TAFA1: variants seen among roughly 807,000 people sequenced by gnomAD.
TAFA1 encodes the protein chemokine-like protein TAFA-1.
Under a neutral mutation model 18.5 loss-of-function variants are expected in TAFA1, and 4 were observed. The ratio of observed to expected loss-of-function variants is 0.22; its 90% confidence interval spans 0.11 to 0.49. The LOEUF (loss-of-function observed/expected upper bound fraction) is 0.49. TAFA1 is among the 20% of genes least tolerant of loss of function. TAFA1 has a pLI of 0.98. For synonymous variants in TAFA1, 56 were observed against 55.2 expected (o/e 1.01, Z -0.06); for missense variants, 147 against 169.0 (o/e 0.87, Z 0.72).
chr3:68,024,657 A>G (rs1704773583), intron 2 of TAFA1, among the ~76,000 whole-genome samples: 1 of 152,098 alleles, frequency 6.6e-6, no homozygotes, highest in Non-Finnish European at 1.5e-5. Flanking sequence ...TTTCTTGCTG[A>G]TGGTTCAGGA....
intron 3 of TAFA1, among the ~76,000 whole-genome samples, chr3:68,488,243 C>G (rs1198821211): frequency 6.6e-6 from 1 of 152,126 alleles, no homozygotes; most frequent in Non-Finnish European, 1.5e-5. Context: ...AACTTGGAGT[C>G]CGATGTTCAA....
chr3:68,215,071 C>A (rs914993012), intron 2 of TAFA1, among the ~76,000 whole-genome samples: 2 of 152,012 alleles, frequency 1.3e-5, no homozygotes, highest in African/African-American at 4.8e-5. Context: ...AATGAAGCAT[C>A]ATTAGCCCAG....
intron 2 of TAFA1, among the ~76,000 whole-genome samples, chr3:68,253,841 G>A (rs184770116): frequency 6.6e-6 from 1 of 152,246 alleles, no homozygotes; most frequent in East Asian, 1.9e-4. Context: ...GTTGAAACAG[G>A]TTTTGTGCCC....
intron 3 of TAFA1, among the ~76,000 whole-genome samples, chr3:68,537,170 C>T (rs1212869129): frequency 6.6e-6 from 1 of 151,986 alleles, no homozygotes; most frequent in Admixed American, 6.6e-5. Flanking sequence ...GCTAAGAGCA[C>T]GAAAGTTCCT....
At chr3:68,426,944 G>A (rs561708764) in intron 3 of TAFA1, among the ~76,000 whole-genome samples, 28 of 151,854 alleles carry the variant, frequency 1.8e-4, no homozygotes, top group African/African-American at 3.6e-4. Flanking sequence ...GATTTAATGC[G>A]TATACTTGGA....
chr3:68,085,599 G>T (rs1038969496), intron 2 of TAFA1, among the ~76,000 whole-genome samples: 1 of 152,166 alleles, frequency 6.6e-6, no homozygotes, highest in African/African-American at 2.4e-5. Flanking sequence ...CTTCATAAGA[G>T]ACTGAAGATC....
intron 2 of TAFA1, among the ~76,000 whole-genome samples, chr3:68,058,163 A>T (rs990417489): frequency 6.6e-6 from 1 of 152,192 alleles, no homozygotes; most frequent in Non-Finnish European, 1.5e-5. Flanking sequence ...TAGTTAGTGA[A>T]ATCAAGTTCA....
At chr3:68,343,920 C>T (rs1366106512) in intron 2 of TAFA1, among the ~76,000 whole-genome samples, 2 of 152,208 alleles carry the variant, frequency 1.3e-5, no homozygotes, top group South Asian at 2.1e-4. Flanking sequence ...CTCGGCTCAC[C>T]GCAACCTCTG....
At position 68,029,467 on chromosome 3, in the gene TAFA1, C is replaced by A. The variant is rs74416989; in HGVS notation, c.118+22723C>A. Among the ~76,000 whole-genome samples, 549 of 152,228 alleles carry A rather than the reference C, an allele frequency of 3.6e-3. 6 individuals carry two copies. The highest frequency in any genetic ancestry group is 0.013 in the African/African-American group (527 of 41,542). On this transcript the variant is annotated intron_variant, in intron 2 of 4. Transcript: ENST00000478136. ...ATTAACATACTTGAGTTGTTTCAAC[C>A]TTATTTAAAACTGTTCCAGTAAGTA...
At chr3:68,221,601 T>C (rs2066731625) in intron 2 of TAFA1, among the ~76,000 whole-genome samples, 1 of 152,292 alleles carries the variant, frequency 6.6e-6, no homozygotes, top group Middle Eastern at 3.4e-3. Context: ...AACAGATGGA[T>C]ACACTAGAAC....
intron 2 of TAFA1, among the ~76,000 whole-genome samples, chr3:68,394,229 G>C (rs2070328892): frequency 6.6e-6 from 1 of 152,024 alleles, no homozygotes; most frequent in Non-Finnish European, 1.5e-5. Flanking sequence ...AAATACCTAG[G>C]AATACAACTT....
chr3:68,287,349 G>T (rs1478357880), intron 2 of TAFA1, among the ~76,000 whole-genome samples: 1 of 152,128 alleles, frequency 6.6e-6, no homozygotes, highest in African/African-American at 2.4e-5. Context: ...TAGTCCAGCC[G>T]CTTTGTTTTA....
chr3:68,510,054 T>A (rs1161683329), intron 3 of TAFA1, among the ~76,000 whole-genome samples: 1 of 152,100 alleles, frequency 6.6e-6, no homozygotes, highest in Non-Finnish European at 1.5e-5. Context: ...TCCTTAATGG[T>A]CTGTCCCCAT....
At chr3:68,456,528 T>C (rs575051824) in intron 3 of TAFA1, among the ~76,000 whole-genome samples, 128 of 152,290 alleles carry the variant, frequency 8.4e-4, no homozygotes, top group African/African-American at 2.8e-3. Flanking sequence ...CAAACCTCTT[T>C]TTAAAACTAT....
At chr3:68,035,684 T>A (rs755606640) in intron 2 of TAFA1, among the ~76,000 whole-genome samples, 1 of 152,230 alleles carries the variant, frequency 6.6e-6, no homozygotes, top group Non-Finnish European at 1.5e-5. Flanking sequence ...TTCTGAGTAT[T>A]CGCCCAAAAG....
At chr3:68,054,088 T>C (rs940216470) in intron 2 of TAFA1, among the ~76,000 whole-genome samples, 3 of 152,182 alleles carry the variant, frequency 2.0e-5, no homozygotes, top group Non-Finnish European at 4.4e-5. Context: ...TATGAAGTTT[T>C]AATTTTTATG....
At chr3:68,206,182 G>T (rs1442442429) in intron 2 of TAFA1, among the ~76,000 whole-genome samples, 1 of 151,804 alleles carries the variant, frequency 6.6e-6, no homozygotes, top group East Asian at 1.9e-4. Flanking sequence ...TTATGAAATA[G>T]TTTGAAAGAG....
intron 2 of TAFA1, among the ~76,000 whole-genome samples, chr3:68,387,892 T>C (rs2070138656): frequency 6.6e-6 from 1 of 152,166 alleles, no homozygotes; most frequent in African/African-American, 2.4e-5. Flanking sequence ...TGAAAAACAA[T>C]TATTATTGTG....
At chr3:68,182,335 AG>A (rs1246808676) in intron 2 of TAFA1, among the ~76,000 whole-genome samples, 4 of 152,200 alleles carry the variant, frequency 2.6e-5, no homozygotes, top group Non-Finnish European at 5.9e-5. Context: ...GCTTTGTAAA[AG>A]CCCCAGTGTT....
Sources: gnomAD v4.1 joint callset for allele counts (sites outside exome capture counted in the v4.1 genomes callset) on GRCh38, gnomAD v4.1.1 for gene constraint, MANE v1.5 for transcripts, NCBI Gene and HGNC (gene_info 2026-07-23, HGNC 2026-07-21) for gene names.